FSTL4: variants seen among roughly 807,000 people sequenced by gnomAD.
FSTL4 encodes follistatin like 4, also known as follistatin-related protein 4.
Under a neutral mutation model 78.2 loss-of-function variants are expected in FSTL4, and 28 were observed. The ratio of observed to expected loss-of-function variants is 0.36; its 90% CI spans 0.27 to 0.49. The LOEUF is 0.49. Among genes scored for constraint, FSTL4 ranks in the 20% least tolerant of loss-of-function variants. FSTL4 has a pLI of 0.98. For missense variants in FSTL4, 922 were observed against 1,084.9 expected (o/e 0.85, Z 2.11); for synonymous variants, 422 against 440.5 (o/e 0.96, Z 0.53).
chr5:133,255,286 T>A (rs1002645124), intron 6 of FSTL4, among the ~76,000 whole-genome samples: 8 of 152,188 alleles, frequency 5.3e-5, no homozygotes, highest in African/African-American at 1.9e-4. Context: ...GGAGCTTGTC[T>A]GGCACTACTG....
chr5:133,811,114 G>A, the FSTL4 span, among the ~76,000 whole-genome samples: 1 of 151,994 alleles, frequency 6.6e-6, no homozygotes, highest in Non-Finnish European at 1.5e-5. Flanking sequence ...GGCAGTCGTG[G>A]GCCTGTCCAG....
At chr5:133,212,364 A>C (rs1191679216) in intron 13 of FSTL4, among the ~76,000 whole-genome samples, 1 of 152,232 alleles carries the variant, frequency 6.6e-6, no homozygotes, top group African/African-American at 2.4e-5. Flanking sequence ...AATTTTTCAC[A>C]GTCTCAATGT....
At chr5:133,600,693 G>T (rs1392348022) in intron 2 of FSTL4, among the ~76,000 whole-genome samples, 1 of 152,138 alleles carries the variant, frequency 6.6e-6, no homozygotes, top group Admixed American at 6.5e-5. Context: ...ACACGCGTTG[G>T]TCATTTAATT....
chr5:133,309,205 G>A (rs1365776017), intron 6 of FSTL4, among the ~76,000 whole-genome samples: 1 of 152,002 alleles, frequency 6.6e-6, no homozygotes, highest in Non-Finnish European at 1.5e-5. Context: ...GCCATGGCAG[G>A]GACAGGTGGC....
At chr5:133,560,571 G>A (rs1561469421) in intron 3 of FSTL4, among the ~76,000 whole-genome samples, 1 of 151,930 alleles carries the variant, frequency 6.6e-6, no homozygotes, top group Non-Finnish European at 1.5e-5. Context: ...TCACCATGCT[G>A]GCCAGGTTGG....
chr5:133,467,252 A>ATG (rs1245655770), intron 3 of FSTL4, among the ~76,000 whole-genome samples: 33 of 124,356 alleles, frequency 2.7e-4, no homozygotes, highest in African/African-American at 1.2e-3. Flanking sequence ...GAATGAGTAT[A>ATG]TGTGAGTGTG....
rs1046851664 is a variant in FSTL4, at chr5:133,448,744, G to C, written c.161-47758C>G. ...AATCCCCAGGGGTGCGGGGGCGGGG[G>C]GGGGGGGCGCTCAGAATTTTCCGCC... On this transcript the variant is annotated intron_variant, in intron 3 of 15. Coordinates refer to ENST00000265342, the MANE Select transcript of FSTL4 (RefSeq NM_015082.2). Among the ~76,000 whole-genome samples, 9 of 149,728 alleles carry C rather than the reference G, an allele frequency of 6.0e-5. 1 individual carries two copies. Among genetic ancestry groups the C allele is most frequent in the South Asian group, 4.3e-4 (2 of 4,608 alleles).
intron 3 of FSTL4, among the ~76,000 whole-genome samples, chr5:133,419,454 A>G (rs1386390566): frequency 6.6e-6 from 1 of 152,222 alleles, no homozygotes; most frequent in East Asian, 1.9e-4. Context: ...GCATTCTACT[A>G]TATGGATATA....
At chr5:133,765,621 T>C in the FSTL4 span, among the ~76,000 whole-genome samples, 930 of 152,210 alleles carry the variant, frequency 6.1e-3, 8 homozygotes, top group African/African-American at 0.022. Context: ...CAGTGATTCT[T>C]GGGAAGGCCC....
At chr5:133,773,878 A>G in the FSTL4 span, among the ~76,000 whole-genome samples, 1 of 152,210 alleles carries the variant, frequency 6.6e-6, no homozygotes, top group Non-Finnish European at 1.5e-5. Context: ...TGTAGAGAGC[A>G]AGAACAAGCT....
chr5:133,606,215 G>A (rs1760974494), intron 1 of FSTL4, among the ~76,000 whole-genome samples: 2 of 152,160 alleles, frequency 1.3e-5, no homozygotes, highest in Non-Finnish European at 2.9e-5. Context: ...CCGCCTCCTG[G>A]GTTCAAGTGA....
At chr5:133,436,082 C>G (rs1757026770) in intron 3 of FSTL4, among the ~76,000 whole-genome samples, 1 of 152,138 alleles carries the variant, frequency 6.6e-6, no homozygotes, top group Admixed American at 6.5e-5. Context: ...TGCTTACCCT[C>G]TTCTGAGGGT....
intron 2 of FSTL4, among the ~76,000 whole-genome samples, chr5:133,569,864 T>C (rs1359512914): frequency 6.6e-6 from 1 of 152,200 alleles, no homozygotes; most frequent in Non-Finnish European, 1.5e-5. Context: ...TAATTTTTTG[T>C]ACTGATATTC....
At chr5:133,705,787 A>C in the FSTL4 span, among the ~76,000 whole-genome samples, 1 of 151,606 alleles carries the variant, frequency 6.6e-6, no homozygotes, top group African/African-American at 2.4e-5. Context: ...CCTCTCCCTC[A>C]CATTATTCAG....
the FSTL4 span, among the ~76,000 whole-genome samples, chr5:133,664,890 A>G: frequency 2.6e-5 from 4 of 152,214 alleles, no homozygotes; most frequent in African/African-American, 9.7e-5. Flanking sequence ...GGTTCTTTCT[A>G]TTGAAGATCA....
chr5:133,210,386 G>T (rs1362512391), intron 13 of FSTL4, 88 bp from the exon 14 acceptor site: 2 of 723,444 alleles, frequency 2.8e-6, no homozygotes, highest in Non-Finnish European at 4.9e-6. Context: ...CTGGGCGAGG[G>T]GAAAGCCAGT....
intron 4 of FSTL4, among the ~76,000 whole-genome samples, chr5:133,356,895 A>G (rs1035785961): frequency 5.9e-5 from 9 of 152,208 alleles, no homozygotes; most frequent in African/African-American, 2.2e-4. Flanking sequence ...TTCCCTGCCC[A>G]TCAGGAAGAG....
chr5:133,598,558 AC>A (rs1388568364), intron 2 of FSTL4, among the ~76,000 whole-genome samples: 1 of 152,022 alleles, frequency 6.6e-6, no homozygotes, highest in African/African-American at 2.4e-5. Context: ...TCCCAGTTGT[AC>A]CTGAAAAACG....
intron 4 of FSTL4, among the ~76,000 whole-genome samples, chr5:133,326,875 C>T (rs1029603582): frequency 6.6e-6 from 1 of 152,228 alleles, no homozygotes; most frequent in African/African-American, 2.4e-5. Flanking sequence ...GTGGGCATAC[C>T]TTCACCAGGT....
Sources: gnomAD v4.1 joint callset for allele counts (sites outside exome capture counted in the v4.1 genomes callset) on GRCh38, gnomAD v4.1.1 for gene constraint, MANE v1.5 for transcripts, NCBI Gene and HGNC (gene_info 2026-07-23, HGNC 2026-07-21) for gene names.